C1orf21: variants seen among roughly 807,000 people sequenced by gnomAD.
C1orf21 encodes uncharacterized protein C1orf21.
Under a neutral mutation model 18.7 loss-of-function variants are expected in C1orf21, and 3 were observed. That is an observed-to-expected ratio of 0.16 (90% CI 0.07 to 0.42). The LOEUF is 0.42. Among genes scored for constraint, C1orf21 ranks in the 10% least tolerant of loss-of-function variants. The probability of loss-of-function intolerance (pLI) is 0.99; values close to 1 mark genes in which losing one functional copy is unlikely to be tolerated. For missense variants in C1orf21, 104 were observed against 143.6 expected (o/e 0.72, Z 1.41); for synonymous variants, 41 against 46.4 (o/e 0.88, Z 0.47).
At chr1:184,400,851 A>T (rs138635627) in intron 1 of C1orf21, among the ~76,000 whole-genome samples, 33 of 152,324 alleles carry the variant, frequency 2.2e-4, no homozygotes, top group African/African-American at 7.9e-4. Context: ...TTTAAAATAG[A>T]TTCCTAGAAG....
intron 3 of C1orf21, among the ~76,000 whole-genome samples, chr1:184,510,093 A>C (rs1204222787): frequency 6.6e-6 from 1 of 152,238 alleles, no homozygotes; most frequent in African/African-American, 2.4e-5. Flanking sequence ...GAAAGAATAA[A>C]GAGTGTTAAA....
At chr1:184,594,412 CTACATG>C (rs1659486038) in intron 4 of C1orf21, among the ~76,000 whole-genome samples, 1 of 152,160 alleles carries the variant, frequency 6.6e-6, no homozygotes, top group African/African-American at 2.4e-5. Context: ...ATATCAATTT[CTACATG>C]TACATGGGAG....
intron 3 of C1orf21, among the ~76,000 whole-genome samples, chr1:184,555,465 T>C (rs984685097): frequency 2.6e-5 from 4 of 152,106 alleles, no homozygotes; most frequent in Non-Finnish European, 4.4e-5. Context: ...CATGGAAGGA[T>C]CTTCTCCAAA....
chr1:184,606,309 C>G (rs1329275424), intron 5 of C1orf21, among the ~76,000 whole-genome samples: 1 of 152,128 alleles, frequency 6.6e-6, no homozygotes, highest in Non-Finnish European at 1.5e-5. Flanking sequence ...GGTGTAGTGG[C>G]CCATGCCTGT....
At chr1:184,554,549 G>A (rs1195775763) in intron 3 of C1orf21, among the ~76,000 whole-genome samples, 2 of 152,142 alleles carry the variant, frequency 1.3e-5, no homozygotes, top group Non-Finnish European at 2.9e-5. Context: ...ATAAATGTTT[G>A]TATAGCCAAA....
At chr1:184,410,866 G>A (rs1374465032) in intron 1 of C1orf21, among the ~76,000 whole-genome samples, 1 of 148,562 alleles carries the variant, frequency 6.7e-6, no homozygotes, top group Non-Finnish European at 1.5e-5. Flanking sequence ...TGTCCAGGCT[G>A]GTCTCGCTCT....
At chr1:184,452,530 A>G (rs187634385) in intron 1 of C1orf21, among the ~76,000 whole-genome samples, 21 of 152,344 alleles carry the variant, frequency 1.4e-4, no homozygotes, top group African/African-American at 3.6e-4. Flanking sequence ...TATTTGTCCC[A>G]TGTAACATGA....
intron 3 of C1orf21, among the ~76,000 whole-genome samples, chr1:184,580,329 T>G (rs1028898313): frequency 2.6e-5 from 4 of 152,236 alleles, no homozygotes; most frequent in Admixed American, 2.6e-4. Context: ...AAGTTTTCAT[T>G]GAAAGCTCTG....
At position 184,550,552 on chromosome 1, in the gene C1orf21, T is replaced by C. The variant is rs145815275; in HGVS notation, c.190-40187T>C. 1.6e-4 allele frequency among the ~76,000 whole-genome samples: 24 copies of C among 152,294 alleles called. No homozygotes were observed. In the East Asian group the frequency reaches 4.2e-3, roughly 27 times the overall value. On this transcript the variant is annotated intron_variant, in intron 3 of 5. Coordinates refer to ENST00000235307, the MANE Select transcript of C1orf21 (RefSeq NM_030806.4). ...TTTGTTTGTTTGTTTGTTTGTTTTT[T>C]GAGACAGGATCTCATTCTGTCACCC... is the stretch of plus-strand genomic sequence containing the variant.
At chr1:184,432,364 T>C (rs896475277) in intron 1 of C1orf21, among the ~76,000 whole-genome samples, 1 of 152,144 alleles carries the variant, frequency 6.6e-6, no homozygotes, top group African/African-American at 2.4e-5. Context: ...TTCATGTCCT[T>C]TGCAGGGACA....
At position 184,532,427 on chromosome 1, in the gene C1orf21, C is replaced by G. The variant is rs116781176; in HGVS notation, c.189+24745C>G. 8.3e-3 allele frequency among the ~76,000 whole-genome samples: 1,256 copies of G among 152,138 alleles called. 14 individuals carry two copies. The highest frequency in any genetic ancestry group is 0.029 in the African/African-American group (1,205 of 41,512). ...AAGTGGTGAGAAAGCACTGTCAGTT[C>G]TATGATTATATGGGTATGAGTCAAA... On this transcript the variant is annotated intron_variant, in intron 3 of 5. Transcript: ENST00000235307.
chr1:184,489,932 A>C (rs906543063), intron 2 of C1orf21, among the ~76,000 whole-genome samples: 3 of 152,212 alleles, frequency 2.0e-5, no homozygotes, highest in African/African-American at 7.2e-5. Flanking sequence ...TTTTATGTTT[A>C]ACATTTATCA....
rs371101026 is a variant in C1orf21 at position 184,477,591 on chromosome 1, G to A, written c.82G>A (p.Asp28Asn). 2.5e-6 allele frequency: 4 copies of A among 1,613,854 alleles called. No homozygotes were observed. The African/African-American group carries it at 5.3e-5, about 22-fold the overall frequency. Reference sequence around the variant, plus strand: ...GAAAGGGAAAAACTACCAGAACGGAGATGTGTTTGGCGGTGAGTCCTATCA... The same window carrying A: ...GAAAGGGAAAAACTACCAGAACGGAAATGTGTTTGGCGGTGAGTCCTATCA... ...AQKGKNYQNG[D>N]VFGDEYRIKP... The change falls in exon 2 of 6, where the codon GAT (aspartate) becomes AAT (asparagine). Residue 28 changes from aspartate to asparagine, a missense_variant. Asp to Asn is a conservative substitution (Grantham distance 23). Transcript: ENST00000235307.
chr1:184,584,110 T>A (rs909659229), intron 3 of C1orf21, among the ~76,000 whole-genome samples: 2 of 149,298 alleles, frequency 1.3e-5, no homozygotes, highest in African/African-American at 2.5e-5. Flanking sequence ...CCAGCCCTGT[T>A]GGTTTGTTTG....
intron 3 of C1orf21, among the ~76,000 whole-genome samples, chr1:184,558,117 C>T (rs1658903860): frequency 6.6e-6 from 1 of 152,292 alleles, no homozygotes; most frequent in South Asian, 2.1e-4. Context: ...CTCAGTTTCT[C>T]CAGCTGATTT....
Position 184,429,581 on chromosome 1 carries a change from T to C in C1orf21, c.-125+42213T>C, listed in dbSNP as rs76270611. On this transcript the variant is annotated intron_variant, in intron 1 of 5. Transcript: ENST00000235307. ...GCACCATCTGGCATAAAAGAATTAC[T>C]GGATTTTGGTGTGAGGGCAACTCAA... is the stretch of plus-strand genomic sequence containing the variant. 3.9e-3 allele frequency among the ~76,000 whole-genome samples: 598 copies of C among 152,258 alleles called. 3 individuals carry two copies. Among genetic ancestry groups the C allele is most frequent in the African/African-American group, 0.013 (527 of 41,564 alleles).
chr1:184,607,720 T>A (rs1183926175), intron 5 of C1orf21, among the ~76,000 whole-genome samples: 2 of 151,082 alleles, frequency 1.3e-5, no homozygotes, highest in African/African-American at 4.8e-5. Flanking sequence ...TATATGTGTG[T>A]GTATATATAT....
chr1:184,512,955 G>C (rs535111982), intron 3 of C1orf21, among the ~76,000 whole-genome samples: 1 of 152,326 alleles, frequency 6.6e-6, no homozygotes, highest in South Asian at 2.1e-4. Flanking sequence ...GATCAGCAGT[G>C]GCATGAGATT....
chr1:184,598,911 A>G (rs1265403071), intron 5 of C1orf21, among the ~76,000 whole-genome samples: 3 of 152,242 alleles, frequency 2.0e-5, no homozygotes, highest in Non-Finnish European at 4.4e-5. Flanking sequence ...GCATTGAGAC[A>G]GATATTATCT....
Sources: allele counts gnomAD v4.1 joint callset (sites outside exome capture counted in the v4.1 genomes callset), GRCh38; gene constraint gnomAD v4.1.1; transcripts MANE v1.5; gene names NCBI Gene and HGNC (gene_info 2026-07-23, HGNC 2026-07-21).